TENM3: variants seen among roughly 807,000 people sequenced by gnomAD.
TENM3 encodes the protein teneurin transmembrane protein 3, also known as teneurin-3.
A neutral mutation model predicts 255.1 loss-of-function variants in TENM3; 63 were observed. The observed-to-expected ratio is 0.25, with a 90% confidence interval of 0.20 to 0.30. The LOEUF is 0.30. Ranked by LOEUF, TENM3 falls within the 10% of genes least tolerant of loss-of-function variation. The pLI, the probability that TENM3 is intolerant of heterozygous loss-of-function variation, is 1.00. For missense variants in TENM3, 2,929 were observed against 3,461.1 expected (o/e 0.85, Z 3.86); for synonymous variants, 1,306 against 1,322.3 (o/e 0.99, Z 0.27).
At chr4:181,888,618 G>GTGTGTGTGTGTGTGTGGA in the TENM3 span, among the ~76,000 whole-genome samples, 58 of 111,788 alleles carry the variant, frequency 5.2e-4, 1 homozygote, top group African/African-American at 1.7e-3. Context: ...GTGTGTGTGT[G>GTGTGTGTGTGTGTGTGGA]GAAAGAGAGA....
At chr4:182,743,694 A>T (rs2152735753) in intron 19 of TENM3, among the ~76,000 whole-genome samples, 1 of 152,268 alleles carries the variant, frequency 6.6e-6, no homozygotes, top group South Asian at 2.1e-4. Flanking sequence ...TAGAGCTATG[A>T]TTCTTAAATC....
intron 5 of TENM3, among the ~76,000 whole-genome samples, chr4:182,642,352 T>C (rs1392966500): frequency 2.0e-5 from 3 of 152,344 alleles, no homozygotes; most frequent in Non-Finnish European, 4.4e-5. Flanking sequence ...AGCTTCAGCA[T>C]TGGCTGTCAA....
the TENM3 span, among the ~76,000 whole-genome samples, chr4:182,003,056 T>A: frequency 6.6e-6 from 1 of 152,034 alleles, no homozygotes; most frequent in Non-Finnish European, 1.5e-5. Flanking sequence ...GGATGGCCAC[T>A]AGTGACTTGA....
chr4:182,161,260 C>CA (rs1430692433), intron 1 of TENM3, among the ~76,000 whole-genome samples: 5 of 137,542 alleles, frequency 3.6e-5, no homozygotes, highest in Admixed American at 7.5e-5. Context: ...ACTAAAAATA[C>CA]AAAAAATTAG....
At chr4:182,765,532 T>C (rs1210841659) in intron 22 of TENM3, among the ~76,000 whole-genome samples, 3 of 152,228 alleles carry the variant, frequency 2.0e-5, no homozygotes, top group Non-Finnish European at 4.4e-5. Context: ...TGCACTTTGC[T>C]CAATGTTCAT....
intron 13 of TENM3, among the ~76,000 whole-genome samples, chr4:182,719,774 A>G (rs1027627469): frequency 1.3e-5 from 2 of 152,186 alleles, no homozygotes; most frequent in African/African-American, 2.4e-5. Flanking sequence ...TTCGAACTGC[A>G]AGAAAGCTGG....
At chr4:181,612,293 C>T in the TENM3 span, among the ~76,000 whole-genome samples, 1 of 152,168 alleles carries the variant, frequency 6.6e-6, no homozygotes, top group Non-Finnish European at 1.5e-5. Context: ...CTGGACTTCT[C>T]TGTATTTATA....
the TENM3 span, among the ~76,000 whole-genome samples, chr4:181,990,308 T>A: frequency 6.6e-6 from 1 of 152,266 alleles, no homozygotes; most frequent in African/African-American, 2.4e-5. Context: ...TCTTCTGAAG[T>A]AAGCAAGCTC....
At chr4:182,066,897 C>G in the TENM3 span, among the ~76,000 whole-genome samples, 4 of 152,188 alleles carry the variant, frequency 2.6e-5, no homozygotes, top group South Asian at 6.2e-4. Flanking sequence ...GGCGACAGAG[C>G]GAGACTCCAT....
At chr4:182,111,689 T>C in the TENM3 span, among the ~76,000 whole-genome samples, 1 of 152,146 alleles carries the variant, frequency 6.6e-6, no homozygotes, top group Non-Finnish European at 1.5e-5. Flanking sequence ...GTTTCCCCAT[T>C]TCAAGGAAGG....
intron 1 of TENM3, among the ~76,000 whole-genome samples, chr4:182,203,536 G>A (rs1288127007): frequency 6.6e-6 from 1 of 152,202 alleles, no homozygotes; most frequent in African/African-American, 2.4e-5. Context: ...TGGGAGACTT[G>A]AGTTCCTGTT....
intron 1 of TENM3, chr4:182,144,790 C>T (rs1463747638): frequency 4.7e-5 from 7 of 150,292 alleles, no homozygotes; most frequent in African/African-American, 1.2e-4. Flanking sequence ...GCCCTCCTTC[C>T]TTTATGGGGT....
intron 20 of TENM3, among the ~76,000 whole-genome samples, chr4:182,752,399 T>C (rs1333432291): frequency 6.6e-6 from 1 of 152,122 alleles, no homozygotes; most frequent in Non-Finnish European, 1.5e-5. Context: ...CATGAATGAG[T>C]CCCAGGCTTC....
At chr4:182,401,301 G>A (rs1769200078) in intron 3 of TENM3, among the ~76,000 whole-genome samples, 1 of 152,150 alleles carries the variant, frequency 6.6e-6, no homozygotes, top group African/African-American at 2.4e-5. Context: ...TGAAATAATA[G>A]AGAGCAGTTG....
intron 3 of TENM3, among the ~76,000 whole-genome samples, chr4:182,490,765 C>T (rs1329020797): frequency 1.3e-5 from 2 of 149,684 alleles, no homozygotes; most frequent in African/African-American, 2.5e-5. Context: ...TCTTAGGCAT[C>T]GTATCAAGCT....
the TENM3 span, among the ~76,000 whole-genome samples, chr4:181,515,637 G>T: frequency 2.6e-5 from 4 of 152,048 alleles, no homozygotes; most frequent in Admixed American, 2.6e-4. Flanking sequence ...TAAAATAGAT[G>T]ACTCCAGTTC....
the TENM3 span, among the ~76,000 whole-genome samples, chr4:181,633,314 A>T: frequency 6.6e-6 from 1 of 152,214 alleles, no homozygotes; most frequent in Non-Finnish European, 1.5e-5. Flanking sequence ...TGTGGTTGAA[A>T]GGGAGGGTAG....
chr4:182,285,717 G>A (rs890532013), intron 1 of TENM3, among the ~76,000 whole-genome samples: 1 of 152,168 alleles, frequency 6.6e-6, no homozygotes, highest in African/African-American at 2.4e-5. Context: ...AAAGGCAAAC[G>A]TCAGAACTTC....
At chr4:182,314,382 C>T (rs993271127) in intron 1 of TENM3, among the ~76,000 whole-genome samples, 3 of 151,754 alleles carry the variant, frequency 2.0e-5, no homozygotes, top group Admixed American at 6.6e-5. Flanking sequence ...GTCACCATGA[C>T]AGCTGGTAGC....
Sources: allele counts gnomAD v4.1 joint callset (sites outside exome capture counted in the v4.1 genomes callset), GRCh38; gene constraint gnomAD v4.1.1; transcripts MANE v1.5; gene names NCBI Gene and HGNC (gene_info 2026-07-23, HGNC 2026-07-21).